NREP: variants seen among roughly 807,000 people sequenced by gnomAD.
The protein encoded by NREP is neuronal regeneration related protein.
In NREP, 5 loss-of-function variants were observed where a neutral mutation model predicts 8.6. The ratio of observed to expected loss-of-function variants is 0.58; its 90% CI spans 0.30 to 1.22. NREP has a LOEUF of 1.22. NREP is among the 50% of genes most tolerant of loss of function. The pLI is 0.07. For missense variants in NREP, 86 were observed against 82.5 expected, an observed-to-expected ratio of 1.04 and a Z score of -0.17; for synonymous variants, 27 against 28.0, an observed-to-expected ratio of 0.96 and a Z score of 0.11.
intron 2 of NREP, among the ~76,000 whole-genome samples, chr5:111,820,056 C>T: frequency 6.6e-6 from 1 of 152,122 alleles, no homozygotes. Flanking sequence ...CACCTAGGCC[C>T]CTATTCCTTG....
At chr5:111,791,985 C>A (rs1751759783) in intron 2 of NREP, among the ~76,000 whole-genome samples, 1 of 152,016 alleles carries the variant, frequency 6.6e-6, no homozygotes, top group African/African-American at 2.4e-5. Context: ...GAGAAAAGTC[C>A]CTAGAATTAC....
At chr5:111,752,412 TTC>T (rs1750420122) in intron 2 of NREP, among the ~76,000 whole-genome samples, 1 of 152,192 alleles carries the variant, frequency 6.6e-6, no homozygotes, top group Non-Finnish European at 1.5e-5. Flanking sequence ...TATAAAATTA[TTC>T]TCTTAGGTAC....
Position 111,730,918 on chromosome 5 carries a change from C to G in NREP, c.*3G>C, listed in dbSNP as rs764793495. On this transcript the variant is annotated 3_prime_UTR_variant, in exon 4 of 4. Coordinates refer to ENST00000257435, the MANE Select transcript of NREP (RefSeq NM_004772.4). ...ATATGTAATACAAATGGAGGTGTTACGATTAAAAAAAGTGGAGGTAACTGA... is the reference window on the plus strand; with the variant it reads ...ATATGTAATACAAATGGAGGTGTTAGGATTAAAAAAAGTGGAGGTAACTGA... 3 of 1,613,550 alleles carry G rather than the reference C, an allele frequency of 1.9e-6. No homozygotes were observed. Among genetic ancestry groups the G allele is most frequent in the South Asian group, 1.1e-5 (1 of 91,066 alleles).
intron 2 of NREP, among the ~76,000 whole-genome samples, chr5:111,928,195 C>G (rs1755442955): frequency 6.6e-6 from 1 of 152,082 alleles, no homozygotes; most frequent in Admixed American, 6.6e-5. Context: ...ATTTTGCAAA[C>G]TATTTACATC....
At chr5:111,927,178 G>A (rs566128829) in intron 2 of NREP, among the ~76,000 whole-genome samples, 1 of 152,124 alleles carries the variant, frequency 6.6e-6, no homozygotes, top group African/African-American at 2.4e-5. Flanking sequence ...GTGTGGTGGG[G>A]GAGCCCTCTC....
chr5:111,744,682 A>G (rs1408403643), intron 2 of NREP, among the ~76,000 whole-genome samples: 1 of 152,114 alleles, frequency 6.6e-6, no homozygotes, highest in Non-Finnish European at 1.5e-5. Context: ...TGTGAGGCAG[A>G]GAAGACTGAA....
At chr5:111,782,084 T>C (rs1324448272) in intron 2 of NREP, among the ~76,000 whole-genome samples, 1 of 152,216 alleles carries the variant, frequency 6.6e-6, no homozygotes, top group Admixed American at 6.5e-5. Flanking sequence ...TCTAGAAATG[T>C]CATTAATAAT....
chr5:111,852,662 G>A (rs889732592), intron 2 of NREP, among the ~76,000 whole-genome samples: 1 of 152,070 alleles, frequency 6.6e-6, no homozygotes, highest in Non-Finnish European at 1.5e-5. Context: ...CATTTTTTGT[G>A]GGGGAGGGGG....
intron 2 of NREP, among the ~76,000 whole-genome samples, chr5:111,776,612 T>C (rs1213402): frequency 0.068 from 10,296 of 152,224 alleles, 483 homozygotes; most frequent in East Asian, 0.21. Context: ...ATTCATACAA[T>C]GGAATAATAG....
At chr5:111,770,629 G>A (rs1198969469) in intron 2 of NREP, among the ~76,000 whole-genome samples, 1 of 128,246 alleles carries the variant, frequency 7.8e-6, no homozygotes, top group South Asian at 2.6e-4. Flanking sequence ...GGAGTACAGC[G>A]AAACAATCAC....
chr5:111,844,547 A>G (rs949815722), intron 2 of NREP, among the ~76,000 whole-genome samples: 3 of 150,898 alleles, frequency 2.0e-5, no homozygotes, highest in Admixed American at 2.0e-4. Context: ...GGAAATACAG[A>G]GCCAAAGAGT....
At position 111,898,779 on chromosome 5, in the gene NREP, C is replaced by T. The variant is rs74385365; in HGVS notation, c.135+76495G>A. 2.1e-3 allele frequency among the ~76,000 whole-genome samples: 327 copies of T among 152,262 alleles called. 14 individuals are homozygous for T. In the East Asian group the frequency reaches 0.057, roughly 27 times the overall value. On this transcript the variant is annotated intron_variant, in intron 2 of 3. Coordinates refer to the NREP transcript ENST00000395634. ...CAGATTCAGCCCAAAGAACTCTTCTCCAAGGCATATTATCATCAAACTGTC... is the reference window on the plus strand; with the variant it reads ...CAGATTCAGCCCAAAGAACTCTTCTTCAAGGCATATTATCATCAAACTGTC...
chr5:111,919,530 A>C (rs1030102679), intron 2 of NREP, among the ~76,000 whole-genome samples: 2 of 152,184 alleles, frequency 1.3e-5, no homozygotes, highest in Non-Finnish European at 2.9e-5. Flanking sequence ...ACACCATGGA[A>C]TACTATGCAG....
At chr5:111,885,841 A>T (rs906570194) in intron 2 of NREP, among the ~76,000 whole-genome samples, 3 of 152,356 alleles carry the variant, frequency 2.0e-5, no homozygotes, top group African/African-American at 7.2e-5. Flanking sequence ...TTAAAGACTT[A>T]AACTTTAGAC....
intron 2 of NREP, among the ~76,000 whole-genome samples, chr5:111,918,773 C>T (rs142269944): frequency 3.9e-5 from 6 of 152,126 alleles, no homozygotes; most frequent in South Asian, 2.1e-4. Flanking sequence ...AGAAAACCTA[C>T]GCAATTCCAT....
Position 111,829,500 on chromosome 5 carries a change from A to G in NREP, c.136-93993T>C, listed in dbSNP as rs550765293. Among the ~76,000 whole-genome samples the G allele has an allele frequency of 1.4e-4, 22 of 152,284 alleles. No homozygotes were observed. The East Asian group carries it at 3.3e-3, about 23-fold the overall frequency. ...CCTTGACACTTCTGGCTTCTTCCCAATCTGCACCCACATATACCTAGTTCC... is the reference window on the plus strand; with the variant it reads ...CCTTGACACTTCTGGCTTCTTCCCAGTCTGCACCCACATATACCTAGTTCC... On this transcript the variant is annotated intron_variant, in intron 2 of 3. Transcript: ENST00000395634.
At chr5:111,794,351 C>T (rs1751827000) in intron 2 of NREP, among the ~76,000 whole-genome samples, 1 of 152,186 alleles carries the variant, frequency 6.6e-6, no homozygotes, top group Admixed American at 6.6e-5. Context: ...ACTTGTGTCT[C>T]CATAAGAACC....
chr5:111,883,250 A>G (rs1754137643), intron 2 of NREP, among the ~76,000 whole-genome samples: 1 of 152,240 alleles, frequency 6.6e-6, no homozygotes, highest in Non-Finnish European at 1.5e-5. Context: ...TGGTAAAGGG[A>G]TCAATTCAAT....
chr5:111,758,021 C>A, upstream of NREP: 1 of 985,502 alleles, frequency 1.0e-6, no homozygotes, highest in East Asian at 1.1e-4. Flanking sequence ...CTGTCCTGAG[C>A]GAAGCAGAAA....
Sources: gnomAD v4.1 joint callset for allele counts (sites outside exome capture counted in the v4.1 genomes callset) on GRCh38, gnomAD v4.1.1 for gene constraint, MANE v1.5 for transcripts, NCBI Gene and HGNC (gene_info 2026-07-23, HGNC 2026-07-21) for gene names.